The following ZNF365 variants were observed in gnomAD, a reference collection of about 807,000 sequenced individuals.
The protein encoded by ZNF365 is protein ZNF365.
ZNF365 carries 22 observed loss-of-function variants against 35.0 expected under a neutral mutation model. The observed-to-expected ratio is 0.63, with a 90% CI of 0.45 to 0.90. The LOEUF (loss-of-function observed/expected upper bound fraction) is 0.90. Among genes scored for constraint, ZNF365 ranks in the 40% least tolerant of loss-of-function variants. The pLI, the probability that ZNF365 is intolerant of heterozygous loss-of-function variation, is 0.00. For synonymous variants in ZNF365, 188 were observed against 196.2 expected (o/e 0.96, Z 0.35); for missense variants, 448 against 500.3 (o/e 0.90, Z 1.00).
chr10:62,388,354 C>T (rs766404273), intron 2 of ZNF365, 42 bp from the exon 3 acceptor site: 2 of 1,611,294 alleles, frequency 1.2e-6, no homozygotes, highest in South Asian at 2.2e-5. Context: ...GAATTCCTTG[C>T]CTTATATTTC....
At position 62,400,978 on chromosome 10, in the gene ZNF365, G is replaced by T. The variant is rs973509718; in HGVS notation, c.*1189G>T. 1.7e-5 allele frequency: 17 copies of T among 985,350 alleles called. No homozygotes were observed. The highest frequency in any genetic ancestry group is 1.9e-5 in the Non-Finnish European group (16 of 829,928). The allele number at this position is 985,350 out of a possible 1,614,324, so 61.0% of individuals were successfully genotyped here. On this transcript the variant is annotated 3_prime_UTR_variant, in exon 5 of 5. Transcript: ENST00000395254. ...AAAATGGCTTTAGTTTCCACAAAGA[G>T]CTGTTAAGAATTTCCTGCTGTATGA...
At chr10:62,402,558 T>C (rs957627400), downstream of ZNF365, 2 of 641,286 alleles carry the variant, frequency 3.1e-6, no homozygotes, top group Non-Finnish European at 3.9e-6. Context: ...TCATCATACA[T>C]ATAATCACCA....
rs144781469 is a variant in ZNF365 at position 62,453,336 on chromosome 10, C to T, written c.925-6405C>T. 4.1e-3 allele frequency among the ~76,000 whole-genome samples: 624 copies of T among 152,272 alleles called. 3 individuals carry two copies. The highest frequency in any genetic ancestry group is 0.014 in the African/African-American group (595 of 41,540). On this transcript the variant is annotated intron_variant, in intron 3 of 4. Transcript: ENST00000395255. ...TGCCTATCATTCCCCACTCAATGTC[C>T]ACGTGGACACATTATTTAGTTCCCA...
chr10:62,400,384 C>T lies in ZNF365; in HGVS notation c.*595C>T, dbSNP rs529542149. 2.0e-6 allele frequency: 2 copies of T among 986,130 alleles called. No individual in the cohort carries two copies. Among genetic ancestry groups the T allele is most frequent in the African/African-American group, 1.7e-5 (1 of 57,318 alleles). The allele number at this position is 986,130 out of a possible 1,614,324, so 61.1% of individuals were successfully genotyped here. ...TTCAGTCAGACTTCAGTTCTCATTC[C>T]GACAGGGTGTCTTTCAGTTCGTTTG... On this transcript the variant is annotated 3_prime_UTR_variant, in exon 5 of 5. Coordinates refer to ENST00000395254, the MANE Select transcript of ZNF365 (RefSeq NM_014951.3).
intron 3 of ZNF365, among the ~76,000 whole-genome samples, chr10:62,448,194 G>GCTTT (rs1352797332): frequency 6.6e-6 from 1 of 152,130 alleles, no homozygotes; most frequent in Non-Finnish European, 1.5e-5. Context: ...TTTACAGTGG[G>GCTTT]CTTTCTTTTT....
At chr10:62,476,151 TG>T (rs74965087) in intron 4 of ZNF365, among the ~76,000 whole-genome samples, 9,251 of 152,286 alleles carry the variant, frequency 0.061, 311 homozygotes, top group East Asian at 0.17. Flanking sequence ...ACACCTACTG[TG>T]CTTTTTCCTC....
intron 3 of ZNF365, among the ~76,000 whole-genome samples, chr10:62,431,003 T>G (rs2132456183): frequency 6.6e-6 from 1 of 152,344 alleles, no homozygotes; most frequent in African/African-American, 2.4e-5. Context: ...ATAATTATAG[T>G]GTTTCCCTTT....
downstream of ZNF365, among the ~76,000 whole-genome samples, chr10:62,406,382 GT>G (rs1839905476): frequency 6.6e-6 from 1 of 152,012 alleles, no homozygotes; most frequent in Non-Finnish European, 1.5e-5. Flanking sequence ...CTGATTCTAG[GT>G]GCCCCTTTAT....
chr10:62,385,679 T>C (rs1839513528), intron 2 of ZNF365, among the ~76,000 whole-genome samples: 1 of 152,220 alleles, frequency 6.6e-6, no homozygotes, highest in South Asian at 2.1e-4. Context: ...AGTTTCTTCC[T>C]TGTCCTTTAT....
chr10:62,388,137 T>TGCACC, intron 2 of ZNF365, among the ~76,000 whole-genome samples: 1 of 152,348 alleles, frequency 6.6e-6, no homozygotes, highest in East Asian at 1.9e-4. Context: ...ACTGTCCCCT[T>TGCACC]GCACCCAGTT....
chr10:62,428,054 TG>T lies in ZNF365; in HGVS notation c.925-31686del, dbSNP rs778023816. Among the ~76,000 whole-genome samples the T allele has an allele frequency of 5.1e-4, 77 of 152,326 alleles. 1 individual carries two copies. The highest frequency in any genetic ancestry group is 1.2e-3 in the Admixed American group (19 of 15,304). On this transcript the variant is annotated intron_variant, in intron 3 of 4. Transcript: ENST00000395255. Reference sequence around the variant, plus strand: ...CAGGTTTAGTTAGAGAACCAGTTTTTGTATCATTTTTTACCTTGCTTGCTAT... The same window carrying T: ...CAGGTTTAGTTAGAGAACCAGTTTTTTATCATTTTTTACCTTGCTTGCTAT...
chr10:62,395,625 G>C (rs1430793590), intron 3 of ZNF365, among the ~76,000 whole-genome samples: 2 of 150,960 alleles, frequency 1.3e-5, no homozygotes, highest in Non-Finnish European at 2.9e-5. Context: ...CTTTAGTGCT[G>C]GGATTGCAGG....
intron 4 of ZNF365, among the ~76,000 whole-genome samples, chr10:62,461,205 G>A (rs1247980320): frequency 6.6e-6 from 1 of 152,198 alleles, no homozygotes; most frequent in African/African-American, 2.4e-5. Context: ...CTCCACTGTG[G>A]GAGATGGGAT....
At chr10:62,440,235 T>C (rs1840476516) in intron 3 of ZNF365, among the ~76,000 whole-genome samples, 1 of 152,054 alleles carries the variant, frequency 6.6e-6, no homozygotes, top group Non-Finnish European at 1.5e-5. Flanking sequence ...CTTTCTCTTT[T>C]TTTTTAAACT....
intron 3 of ZNF365, among the ~76,000 whole-genome samples, chr10:62,430,899 G>A (rs546019075): frequency 8.5e-5 from 13 of 152,318 alleles, no homozygotes; most frequent in South Asian, 6.2e-4. Flanking sequence ...ATTCCTGAAT[G>A]AGTGGCCATC....
At chr10:62,448,300 G>T (rs1336670177) in intron 3 of ZNF365, among the ~76,000 whole-genome samples, 1 of 152,046 alleles carries the variant, frequency 6.6e-6, no homozygotes, top group African/African-American at 2.4e-5. Flanking sequence ...TTTCATCAGG[G>T]GTGGAGACAG....
intron 4 of ZNF365, among the ~76,000 whole-genome samples, chr10:62,465,053 A>G (rs1840916080): frequency 6.6e-6 from 1 of 152,204 alleles, no homozygotes; most frequent in Admixed American, 6.5e-5. Context: ...ACAGCTCCAG[A>G]TCCAAGCATC....
intron 3 of ZNF365, among the ~76,000 whole-genome samples, chr10:62,442,455 G>A (rs1255150038): frequency 6.6e-6 from 1 of 152,158 alleles, no homozygotes; most frequent in Non-Finnish European, 1.5e-5. Flanking sequence ...GATATTTAAA[G>A]GTGTTCACTT....
intron 4 of ZNF365, among the ~76,000 whole-genome samples, chr10:62,470,455 C>G (rs910820655): frequency 1.3e-5 from 2 of 152,214 alleles, no homozygotes; most frequent in African/African-American, 4.8e-5. Context: ...GTTGCCAGTG[C>G]TGGCAGTTGG....
Sources: gnomAD v4.1 joint callset for allele counts (sites outside exome capture counted in the v4.1 genomes callset) on GRCh38, gnomAD v4.1.1 for gene constraint, MANE v1.5 for transcripts, NCBI Gene and HGNC (gene_info 2026-07-23, HGNC 2026-07-21) for gene names.